Variants in OTUD7A observed in about 807,000 individuals in gnomAD.
OTUD7A encodes the protein OTU domain-containing protein 7A.
Under a neutral mutation model 65.7 loss-of-function variants are expected in OTUD7A, and 12 were observed. The observed-to-expected ratio is 0.18, with a 90% CI of 0.12 to 0.30. The LOEUF (loss-of-function observed/expected upper bound fraction) is 0.30. Among genes scored for constraint, OTUD7A ranks in the 10% least tolerant of loss-of-function variants. The pLI, the probability that OTUD7A is intolerant of heterozygous loss-of-function variation, is 1.00. For synonymous variants in OTUD7A, 641 were observed against 586.3 expected (o/e 1.09, Z -1.35); for missense variants, 1,148 against 1,304.8 (o/e 0.88, Z 1.85).
At chr15:31,850,276 T>C (rs1387805510) in intron 1 of OTUD7A, among the ~76,000 whole-genome samples, 1 of 152,168 alleles carries the variant, frequency 6.6e-6, no homozygotes, top group Non-Finnish European at 1.5e-5. Flanking sequence ...CAGATGAAGC[T>C]GGAAACCATC....
intron 1 of OTUD7A, chr15:31,767,017 C>G (rs1895109221): frequency 1.2e-6 from 2 of 1,608,880 alleles, no homozygotes; most frequent in Admixed American, 1.7e-5. Context: ...AGCACTCACT[C>G]TTCTGTTTCT....
chr15:31,854,210 A>G (rs979119413), intron 1 of OTUD7A, among the ~76,000 whole-genome samples: 1 of 152,140 alleles, frequency 6.6e-6, no homozygotes, highest in Non-Finnish European at 1.5e-5. Context: ...TCTTTGGCTT[A>G]TGGACCCCTT....
chr15:31,661,906 T>C (rs968511457), intron 1 of OTUD7A, among the ~76,000 whole-genome samples: 10 of 152,238 alleles, frequency 6.6e-5, no homozygotes, highest in African/African-American at 2.2e-4. Context: ...CCTCTGTTTG[T>C]TGAAAAATCT....
intron 1 of OTUD7A, among the ~76,000 whole-genome samples, chr15:31,828,281 CT>C (rs957355273): frequency 9.3e-5 from 14 of 151,006 alleles, no homozygotes; most frequent in African/African-American, 1.2e-4. Flanking sequence ...TTGCTTATGT[CT>C]TTTTTTTTAC....
At position 31,487,685 on chromosome 15, in the gene OTUD7A, T is replaced by C; in HGVS notation, c.1172-119A>G. The C allele has an allele frequency of 1.4e-6, 1 of 731,804 alleles. No individual in the cohort carries two copies. The highest frequency in any genetic ancestry group is 1.8e-5 in the South Asian group (1 of 54,442). The allele number at this position is 731,804 out of a possible 1,614,324, so 45.3% of individuals were successfully genotyped here. Reference sequence around the variant, plus strand: ...TGCACCGAGTGGACATCTACACAGATCTGTGCCAGCAGGAGCATGAAGACC... The same window carrying C: ...TGCACCGAGTGGACATCTACACAGACCTGTGCCAGCAGGAGCATGAAGACC... On this transcript the variant is annotated intron_variant, in intron 10 of 12. Transcript: ENST00000307050. This position sits in a 1 kb window ranked among gnomAD's most constrained non-coding sequence, Gnocchi z 6.0.
At position 31,483,590 on chromosome 15, in the gene OTUD7A, C is replaced by A; in HGVS notation, c.2506G>T (p.Ala836Ser). The change falls in exon 13 of 13, where the codon GCG (alanine) becomes TCG (serine). Residue 836 changes from alanine (A) to serine (S), a missense_variant. Physicochemically the swap from Ala to Ser is moderately conservative, Grantham distance 99. Around this residue, in one of 6 missense-constraint regions of OTUD7A, gnomAD observed 842 missense variants for 769.5 expected, o/e 1.09. Transcript: ENST00000307050. ...TVNTVESLAR[A>S]VPGALPGAAG... ...GCGCCCGGTAGGGCCCCGGGCACCG[C>A]GCGCGCCAGCGACTCGACCGTGTTG... 8.1e-7 allele frequency: 1 copy of A among 1,231,976 alleles called. No individual in the cohort carries two copies. The allele number at this position is 1,231,976 out of a possible 1,614,324, so 76.3% of individuals were successfully genotyped here. A position where few individuals can be genotyped will look rare whatever the true frequency, so the allele number is the denominator to read the frequency against.
chr15:31,567,579 G>C (rs982205490), intron 4 of OTUD7A, among the ~76,000 whole-genome samples: 3 of 152,236 alleles, frequency 2.0e-5, no homozygotes, highest in Non-Finnish European at 4.4e-5. Flanking sequence ...CTACTTGCTA[G>C]AGATATTTGC....
At chr15:31,564,892 T>C (rs925597734) in intron 4 of OTUD7A, among the ~76,000 whole-genome samples, 1 of 152,174 alleles carries the variant, frequency 6.6e-6, no homozygotes, top group African/African-American at 2.4e-5. Context: ...GGTAGCTGTT[T>C]AATATCAACA....
At chr15:31,747,207 A>G (rs183049152) in intron 1 of OTUD7A, among the ~76,000 whole-genome samples, 9 of 152,338 alleles carry the variant, frequency 5.9e-5, no homozygotes, top group African/African-American at 2.2e-4. Flanking sequence ...AGGGTTGTGC[A>G]GATCGGGGCT....
At chr15:31,823,487 A>G (rs917966300) in intron 1 of OTUD7A, among the ~76,000 whole-genome samples, 1 of 152,212 alleles carries the variant, frequency 6.6e-6, no homozygotes, top group Non-Finnish European at 1.5e-5. Context: ...AAAGAGCTAA[A>G]ATTACTCATT....
intron 3 of OTUD7A, among the ~76,000 whole-genome samples, chr15:31,629,033 TGCAAAC>T (rs1891055273): frequency 2.0e-5 from 3 of 152,156 alleles, no homozygotes; most frequent in Admixed American, 1.3e-4. Context: ...TCATGTCATC[TGCAAAC>T]AGGGACAATT....
rs557362687 is a variant in OTUD7A, at chr15:31,589,150, T to G, written c.152-18953A>C. On this transcript the variant is annotated intron_variant, in intron 3 of 12. Coordinates refer to ENST00000307050, the MANE Select transcript of OTUD7A (RefSeq NM_001382637.1). ...GTATGCTACAAATCCTGTGTATGTA[T>G]ACATATACATACACGCATATTACAT... Among the ~76,000 whole-genome samples the G allele has an allele frequency of 1.1e-3, 170 of 152,264 alleles. No homozygotes were observed. The East Asian group carries it at 0.023, about 21-fold the overall frequency.
intron 1 of OTUD7A, among the ~76,000 whole-genome samples, chr15:31,755,349 T>G (rs957758476): frequency 1.3e-5 from 2 of 152,128 alleles, no homozygotes; most frequent in African/African-American, 4.8e-5. Flanking sequence ...GAACTCTCAA[T>G]GGGGCCTTTC....
intron 3 of OTUD7A, among the ~76,000 whole-genome samples, chr15:31,577,403 C>A (rs1446278816): frequency 6.6e-6 from 1 of 152,216 alleles, no homozygotes; most frequent in African/African-American, 2.4e-5. Flanking sequence ...AAGCTGAACT[C>A]TTTCAACAAA....
chr15:31,616,415 T>C (rs749779056), intron 3 of OTUD7A, among the ~76,000 whole-genome samples: 8 of 152,184 alleles, frequency 5.3e-5, no homozygotes, highest in Non-Finnish European at 2.9e-5. Context: ...ACCATTTATA[T>C]ATATATGTGA....
rs113322770 is a variant in OTUD7A, at chr15:31,479,576, C to T, written c.*3718G>A. 1.4e-5 allele frequency: 2 copies of T among 147,094 alleles called. No individual in the cohort carries two copies. Among genetic ancestry groups the T allele is most frequent in the African/African-American group, 5.0e-5 (2 of 39,840 alleles). The allele number at this position is 147,094 out of a possible 1,614,324, so 9.1% of individuals were successfully genotyped here. A position where few individuals can be genotyped will look rare whatever the true frequency, so the allele number is the denominator to read the frequency against. On this transcript the variant is annotated 3_prime_UTR_variant, in exon 13 of 13. Transcript: ENST00000307050. ...TTTCCCACCACTGATAAGTACAGCC[C>T]TTTTATCTTAACCAATGGGAAGTAT...
intron 3 of OTUD7A, among the ~76,000 whole-genome samples, chr15:31,609,748 C>A (rs368906909): frequency 6.6e-6 from 1 of 152,188 alleles, no homozygotes. Flanking sequence ...CGCTACCTCC[C>A]GTCAGGAGGC....
intron 1 of OTUD7A, among the ~76,000 whole-genome samples, chr15:31,710,528 G>A (rs1243552385): frequency 6.6e-6 from 1 of 152,156 alleles, no homozygotes; most frequent in Non-Finnish European, 1.5e-5. Flanking sequence ...TGCAGAGCAG[G>A]ACAGCAAGAC....
chr15:31,661,965 T>C (rs1207351829), intron 1 of OTUD7A, among the ~76,000 whole-genome samples: 2 of 152,226 alleles, frequency 1.3e-5, no homozygotes, highest in African/African-American at 4.8e-5. Flanking sequence ...CTTTTACTGA[T>C]TGCTCCTATG....
Sources: allele counts gnomAD v4.1 joint callset (sites outside exome capture counted in the v4.1 genomes callset), GRCh38; gene constraint gnomAD v4.1.1; regional missense constraint gnomAD v4.1.1; non-coding constraint Gnocchi (gnomAD v3.1); transcripts MANE v1.5; gene names NCBI Gene and HGNC (gene_info 2026-07-23, HGNC 2026-07-21).